The following ME3 variants were observed in gnomAD, a reference collection of about 807,000 sequenced individuals.
The protein encoded by ME3 is malic enzyme 3.
A neutral mutation model predicts 68.9 loss-of-function variants in ME3; 48 were observed. The observed-to-expected ratio is 0.70, with a 90% confidence interval of 0.55 to 0.89. ME3 has a LOEUF of 0.89. Ranked by LOEUF, ME3 falls within the 40% of genes least tolerant of loss-of-function variation. The probability of loss-of-function intolerance (pLI) is 0.00; values close to 1 mark genes in which losing one functional copy is unlikely to be tolerated. For missense variants in ME3, 675 were observed against 797.4 expected (o/e 0.85, Z 1.85); for synonymous variants, 320 against 318.8 (o/e 1.00, Z -0.04).
At chr11:86,558,976 C>T (rs1475550865) in intron 3 of ME3, among the ~76,000 whole-genome samples, 2 of 152,178 alleles carry the variant, frequency 1.3e-5, no homozygotes, top group African/African-American at 2.4e-5. Context: ...TGCATCTTAG[C>T]TGTGGCATAG....
intron 5 of ME3, among the ~76,000 whole-genome samples, chr11:86,505,680 A>G (rs1594214626): frequency 6.6e-6 from 1 of 152,190 alleles, no homozygotes; most frequent in Admixed American, 6.5e-5. Context: ...TATAGACTTT[A>G]TCATAGTTAA....
rs1952259588 is a variant in ME3 at position 86,495,413 on chromosome 11, A to G, written c.705+2550T>C. The stretch of plus-strand genomic sequence containing the variant: ...GGACCTTCAATGACAAAGGATCCCA[A>G]TGCACCAGGGCAGACAGCACCCTTC... On this transcript the variant is annotated intron_variant, in intron 6 of 14. Coordinates refer to ENST00000543262, the Ensembl canonical transcript of ME3. Among the ~76,000 whole-genome samples the G allele has an allele frequency of 2.0e-5, 3 of 152,226 alleles. 1 individual carries two copies. The highest frequency in any genetic ancestry group is 2.1e-4 in the South Asian group (1 of 4,830).
intron 7 of ME3, among the ~76,000 whole-genome samples, chr11:86,473,194 CCA>C (rs10545624): frequency 0.3 from 45,266 of 152,038 alleles, 7,090 homozygotes; most frequent in Non-Finnish European, 0.33. Context: ...CAGGTTGGGC[CCA>C]CACAGCAGCT....
intron 2 of ME3, among the ~76,000 whole-genome samples, chr11:86,595,320 G>GAGAGAGACAGAGAC (rs1554996001): frequency 3.6e-5 from 5 of 138,642 alleles, no homozygotes; most frequent in African/African-American, 1.1e-4. Context: ...GAGAGAGAGA[G>GAGAGAGACAGAGAC]AGAGAGAGAG....
intron 2 of ME3, among the ~76,000 whole-genome samples, chr11:86,627,128 G>A (rs1195979729): frequency 6.6e-6 from 1 of 152,220 alleles, no homozygotes; most frequent in Non-Finnish European, 1.5e-5. Flanking sequence ...CAGGCAGTAT[G>A]GGGCCAGCCC....
At chr11:86,639,955 C>A (rs540223044) in intron 2 of ME3, among the ~76,000 whole-genome samples, 38 of 152,236 alleles carry the variant, frequency 2.5e-4, no homozygotes, top group Admixed American at 6.5e-4. Flanking sequence ...TCAAAGCCCA[C>A]CTCTGGGCAT....
intron 3 of ME3, among the ~76,000 whole-genome samples, chr11:86,558,768 C>T (rs931729203): frequency 1.3e-5 from 2 of 152,168 alleles, no homozygotes; most frequent in Admixed American, 6.5e-5. Flanking sequence ...CTACTATGTG[C>T]CAGGCACTGT....
At chr11:86,538,213 T>C (rs936201250) in intron 4 of ME3, among the ~76,000 whole-genome samples, 39 of 152,216 alleles carry the variant, frequency 2.6e-4, no homozygotes, top group African/African-American at 9.4e-4. Context: ...GTTTTAACAA[T>C]ATAGGATTGA....
At chr11:86,462,502 C>T (rs1016283540) in intron 8 of ME3, 2 of 1,116,202 alleles carry the variant, frequency 1.8e-6, no homozygotes, top group Non-Finnish European at 2.3e-6. Context: ...GTCAGCTGTA[C>T]ATGAATGATG....
chr11:86,445,522 G>A (rs1044420424), intron 13 of ME3, among the ~76,000 whole-genome samples: 3 of 152,190 alleles, frequency 2.0e-5, no homozygotes, highest in Non-Finnish European at 4.4e-5. Context: ...AGCTTGTTAC[G>A]TGTAAATATG....
At chr11:86,528,808 C>T (rs895764518) in intron 4 of ME3, among the ~76,000 whole-genome samples, 20 of 151,962 alleles carry the variant, frequency 1.3e-4, no homozygotes, top group African/African-American at 3.4e-4. Context: ...TTGAAACCAA[C>T]GAGAACAAAG....
At chr11:86,560,920 CCTCTA>C (rs1343109557) in intron 2 of ME3, among the ~76,000 whole-genome samples, 1 of 151,478 alleles carries the variant, frequency 6.6e-6, no homozygotes, top group Non-Finnish European at 1.5e-5. Flanking sequence ...TGCACATACC[CCTCTA>C]CTGGAACTTG....
chr11:86,480,108 C>T (rs1951315175), intron 7 of ME3, among the ~76,000 whole-genome samples: 2 of 152,174 alleles, frequency 1.3e-5, no homozygotes, highest in Admixed American at 6.5e-5. Context: ...CATGAGCCAC[C>T]GCGCCTGGCC....
intron 8 of ME3, chr11:86,462,753 A>G (rs1950285317): frequency 1.0e-5 from 5 of 485,092 alleles, no homozygotes; most frequent in Admixed American, 2.4e-5. Flanking sequence ...AGACAATGCA[A>G]TACAGGCTTT....
At chr11:86,526,700 G>A (rs553448419) in intron 4 of ME3, among the ~76,000 whole-genome samples, 34 of 152,196 alleles carry the variant, frequency 2.2e-4, no homozygotes, top group Non-Finnish European at 4.1e-4. Context: ...AGCAACATTT[G>A]CTGTTCACCA....
At chr11:86,507,407 C>T (rs112816569) in intron 5 of ME3, among the ~76,000 whole-genome samples, 2,084 of 152,292 alleles carry the variant, frequency 0.014, 47 homozygotes, top group African/African-American at 0.041. Context: ...GTACCATGGC[C>T]TCCCAGGCAA....
chr11:86,669,678 T>C (rs920320501), intron 2 of ME3, among the ~76,000 whole-genome samples: 8 of 152,190 alleles, frequency 5.3e-5, no homozygotes, highest in Admixed American at 4.6e-4. Context: ...ATGGGGATTA[T>C]AATTCAAGAT....
At chr11:86,559,338 C>T (rs1345358219) in intron 3 of ME3, among the ~76,000 whole-genome samples, 1 of 152,038 alleles carries the variant, frequency 6.6e-6, no homozygotes, top group Non-Finnish European at 1.5e-5. Context: ...CCAGTTCGTC[C>T]CTCTCAGTGA....
chr11:86,559,603 G>A, intron 3 of ME3, 87 bp downstream of exon 3: 1 of 1,449,308 alleles, frequency 6.9e-7, no homozygotes, highest in Non-Finnish European at 9.2e-7. Context: ...TTTAGCTGGA[G>A]AGTTTCCAGA....
Sources: gnomAD v4.1 joint callset for allele counts (sites outside exome capture counted in the v4.1 genomes callset) on GRCh38, gnomAD v4.1.1 for gene constraint, MANE v1.5 for transcripts, NCBI Gene and HGNC (gene_info 2026-07-23, HGNC 2026-07-21) for gene names.